Variants in SLC4A10 observed in about 807,000 individuals in gnomAD.
SLC4A10 encodes solute carrier family 4 member 10.
SLC4A10 carries 42 observed loss-of-function variants against 137.7 expected under a neutral mutation model. The observed-to-expected ratio is 0.30, with a 90% confidence interval of 0.24 to 0.39. SLC4A10 has a LOEUF of 0.39. SLC4A10 is among the 10% of genes least tolerant of loss of function. The pLI is 1.00. For synonymous variants in SLC4A10, 474 were observed against 464.1 expected (o/e 1.02, Z -0.27); for missense variants, 925 against 1,355.0 (o/e 0.68, Z 4.98).
chr2:161,633,666 T>C (rs1288691855), intron 1 of SLC4A10, among the ~76,000 whole-genome samples: 1 of 151,794 alleles, frequency 6.6e-6, no homozygotes, highest in Non-Finnish European at 1.5e-5. Flanking sequence ...AGTTTTCCTT[T>C]TGAATGAAAA....
Position 161,908,352 on chromosome 2 carries a change from C to T in SLC4A10, c.1997+2465C>T, listed in dbSNP as rs1290467141. 7.6e-5 allele frequency among the ~76,000 whole-genome samples: 11 copies of T among 145,678 alleles called. No homozygotes were observed. The South Asian group carries it at 1.3e-3, about 17-fold the overall frequency. ...ATTGCAAGGACAAAAAACCAAACAC[C>T]GCATGTTCTCATTCATAGGTGGGAA... On this transcript the variant is annotated intron_variant, in intron 15 of 26. Transcript: ENST00000446997.
intron 1 of SLC4A10, among the ~76,000 whole-genome samples, chr2:161,767,093 GC>G (rs2050894737): frequency 2.9e-5 from 1 of 34,626 alleles, no homozygotes; most frequent in Non-Finnish European, 5.3e-5. Flanking sequence ...GAATTAAGAA[GC>G]ATATATATAT....
At chr2:161,637,216 GAGAC>G (rs1280502138) in intron 1 of SLC4A10, among the ~76,000 whole-genome samples, 2 of 150,866 alleles carry the variant, frequency 1.3e-5, no homozygotes, top group African/African-American at 4.9e-5. Flanking sequence ...GAGAGAGAGA[GAGAC>G]AGAGTCTCAC....
At chr2:161,783,261 A>G (rs1272730479) in intron 2 of SLC4A10, among the ~76,000 whole-genome samples, 1 of 151,964 alleles carries the variant, frequency 6.6e-6, no homozygotes, top group East Asian at 1.9e-4. Flanking sequence ...ACTAGACCAA[A>G]TGAAACTGTC....
intron 10 of SLC4A10, among the ~76,000 whole-genome samples, chr2:161,889,655 T>C (rs928480447): frequency 9.2e-5 from 14 of 152,200 alleles, no homozygotes; most frequent in African/African-American, 7.2e-5. Context: ...TTATTGTGTC[T>C]ATTTGATTTT....
intron 3 of SLC4A10, among the ~76,000 whole-genome samples, chr2:161,816,481 T>A (rs1422769055): frequency 1.5e-5 from 2 of 132,572 alleles, no homozygotes; most frequent in African/African-American, 2.5e-5. Context: ...TTGGGCACTC[T>A]TTTTTTTATT....
At chr2:161,728,081 A>C (rs1429072590) in intron 1 of SLC4A10, among the ~76,000 whole-genome samples, 8 of 152,200 alleles carry the variant, frequency 5.3e-5, no homozygotes, top group African/African-American at 1.9e-4. Context: ...GAATATTACT[A>C]TAGACTCTCC....
chr2:161,748,153 T>C (rs1298508423), intron 1 of SLC4A10, among the ~76,000 whole-genome samples: 1 of 152,186 alleles, frequency 6.6e-6, no homozygotes, highest in Admixed American at 6.6e-5. Flanking sequence ...AAGTTCCTTA[T>C]ATATTTTGGA....
chr2:161,688,688 A>G (rs1316699498), intron 1 of SLC4A10, among the ~76,000 whole-genome samples: 1 of 152,192 alleles, frequency 6.6e-6, no homozygotes, highest in East Asian at 1.9e-4. Flanking sequence ...TCTTCCATTT[A>G]CAAGTAAATA....
intron 8 of SLC4A10, among the ~76,000 whole-genome samples, chr2:161,876,298 A>G (rs1308879878): frequency 6.6e-6 from 1 of 152,148 alleles, no homozygotes; most frequent in African/African-American, 2.4e-5. Context: ...AGTTCAACCT[A>G]GATTCTCTAG....
rs766757048 is a variant in SLC4A10 at position 161,976,806 on chromosome 2, G to A, written c.3274G>A (p.Ala1092Thr). Reference sequence around the variant, plus strand: ...TATATCTGATGAAATGTCAAAGACTGCCTTGTGGAGGAACCTTCTGATTAC... The same window carrying A: ...TATATCTGATGAAATGTCAAAGACTACCTTGTGGAGGAACCTTCTGATTAC... Reference protein sequence around the residue: ...INISDEMSKTALWRNLLITAD... With the variant: ...INISDEMSKTTLWRNLLITAD... Residue 1092 changes from alanine (A) to threonine (T), a missense_variant, in exon 25 of 27, where the codon GCC becomes ACC. Physicochemically the swap from Ala to Thr is moderately conservative, Grantham distance 58. Around this residue, in one of 11 missense-constraint regions of SLC4A10, gnomAD observed 84 missense variants for 76.9 expected, o/e 1.09. Transcript: ENST00000446997. The A allele has an allele frequency of 2.4e-5, 39 of 1,605,500 alleles. No individual in the cohort carries two copies. Among genetic ancestry groups the A allele is most frequent in the Admixed American group, 6.8e-5 (4 of 59,190 alleles).
intron 15 of SLC4A10, among the ~76,000 whole-genome samples, chr2:161,928,199 A>G (rs1399221935): frequency 6.7e-6 from 1 of 149,576 alleles, no homozygotes; most frequent in Non-Finnish European, 1.5e-5. Context: ...GCCATAAAAA[A>G]TGATGAGTTC....
At chr2:161,722,407 G>A (rs1207110406) in intron 1 of SLC4A10, among the ~76,000 whole-genome samples, 2 of 152,166 alleles carry the variant, frequency 1.3e-5, no homozygotes, top group African/African-American at 4.8e-5. Context: ...GTTGTTTTCT[G>A]TTTGTTTGCT....
intron 1 of SLC4A10, among the ~76,000 whole-genome samples, chr2:161,644,356 C>T (rs533675112): frequency 9.2e-5 from 14 of 152,030 alleles, no homozygotes; most frequent in Admixed American, 3.9e-4. Context: ...ATTAGCCGGG[C>T]GTGGTGGTAC....
At chr2:161,863,763 G>A (rs1276097160) in intron 6 of SLC4A10, among the ~76,000 whole-genome samples, 2 of 151,972 alleles carry the variant, frequency 1.3e-5, no homozygotes, top group African/African-American at 2.4e-5. Flanking sequence ...CTCTCCTTGC[G>A]TTTATTTAAC....
intron 3 of SLC4A10, among the ~76,000 whole-genome samples, chr2:161,818,557 G>T (rs1339408276): frequency 3.9e-5 from 6 of 152,268 alleles, no homozygotes; most frequent in Admixed American, 6.5e-5. Context: ...TCTTGTGCCA[G>T]TTTTCAAAGG....
At chr2:161,698,592 T>C (rs2042791146) in intron 1 of SLC4A10, among the ~76,000 whole-genome samples, 1 of 152,228 alleles carries the variant, frequency 6.6e-6, no homozygotes, top group African/African-American at 2.4e-5. Context: ...TGGTTCTGTT[T>C]ATATGCTGGA....
chr2:161,932,829 G>C (rs1312105419), intron 15 of SLC4A10, among the ~76,000 whole-genome samples: 1 of 152,048 alleles, frequency 6.6e-6, no homozygotes, highest in Non-Finnish European at 1.5e-5. Flanking sequence ...CATTTCTTGA[G>C]AGTTGGAGCT....
intron 1 of SLC4A10, among the ~76,000 whole-genome samples, chr2:161,743,335 A>G (rs1201508392): frequency 6.6e-6 from 1 of 152,186 alleles, no homozygotes; most frequent in African/African-American, 2.4e-5. Flanking sequence ...TCTTCTACAT[A>G]AGAATATCCA....
Sources: allele counts gnomAD v4.1 joint callset (sites outside exome capture counted in the v4.1 genomes callset), GRCh38; gene constraint gnomAD v4.1.1; regional missense constraint gnomAD v4.1.1; transcripts MANE v1.5; gene names NCBI Gene and HGNC (gene_info 2026-07-23, HGNC 2026-07-21).